Variants in NMNAT3 observed in about 807,000 individuals in gnomAD.
NMNAT3 encodes the protein nicotinamide/nicotinic acid mononucleotide adenylyltransferase 3.
Under a neutral mutation model 24.8 loss-of-function variants are expected in NMNAT3, and 21 were observed. That is an observed-to-expected ratio of 0.85 (90% confidence interval 0.60 to 1.22). NMNAT3 has a LOEUF of 1.22. NMNAT3 is among the 50% of genes most tolerant of loss of function. The pLI is 0.00. For missense variants in NMNAT3, 387 were observed against 436.6 expected (o/e 0.89, Z 1.01); for synonymous variants, 136 against 155.2 (o/e 0.88, Z 0.92).
intron 1 of NMNAT3, among the ~76,000 whole-genome samples, chr3:139,644,507 A>G (rs557530866): frequency 6.6e-6 from 1 of 152,334 alleles, no homozygotes; most frequent in African/African-American, 2.4e-5. Flanking sequence ...AAAACAAGGA[A>G]GAAAAACAAC....
Position 139,561,300 on chromosome 3 carries a change from C to T in NMNAT3, c.751G>A (p.Val251Met). The T allele has an allele frequency of 1.2e-6, 2 of 1,614,070 alleles. No individual in the cohort carries two copies. Among genetic ancestry groups the T allele is most frequent in the Non-Finnish European group, 1.7e-6 (2 of 1,179,998 alleles). ...ACGCACACCAAGCCAAACTTCTCCA[C>T]TATTTCCTGGATGTGCGCATCCTTC... Residue 251 changes from valine to methionine, a missense_variant, in exon 7 of 7, where the codon GTG (valine) becomes ATG (methionine). Val to Met is a conservative substitution (Grantham distance 21). This residue lies in a region of NMNAT3 where 323 missense variants were observed against 345.2 expected (regional missense o/e 0.94). Coordinates refer to ENST00000643695, the MANE Select transcript of NMNAT3 (RefSeq NM_001320510.2).
At chr3:139,591,215 C>T (rs2054154275) in intron 3 of NMNAT3, among the ~76,000 whole-genome samples, 2 of 151,418 alleles carry the variant, frequency 1.3e-5, no homozygotes, top group Admixed American at 6.6e-5. Context: ...GACGGACGCA[C>T]CTGGAAAATC....
intron 1 of NMNAT3, among the ~76,000 whole-genome samples, chr3:139,648,145 C>T (rs1304814852): frequency 6.6e-6 from 1 of 152,100 alleles, no homozygotes; most frequent in African/African-American, 2.4e-5. Flanking sequence ...GTTTTCCCTA[C>T]GTTGTCCTTG....
Position 139,627,778 on chromosome 3 carries a change from A to G in NMNAT3, c.-40-14T>C. 1 of 1,043,142 alleles carries G rather than the reference A, an allele frequency of 9.6e-7. No individual in the cohort carries two copies. The highest frequency in any genetic ancestry group is 1.5e-5 in the South Asian group (1 of 66,098). 64.6% of individuals were successfully genotyped at this position (1,043,142 alleles called of 1,614,324 possible). A position where few individuals can be genotyped will look rare whatever the true frequency, so the allele number is the denominator to read the frequency against. ...GTGGCCACCCTGCTTTTATGGGGACAAAAGCTCATGTCAGGGAGTTAGCAC... is the reference window on the plus strand; with the variant it reads ...GTGGCCACCCTGCTTTTATGGGGACGAAAGCTCATGTCAGGGAGTTAGCAC... On this transcript the variant is annotated splice_polypyrimidine_tract_variant and intron_variant, in intron 2 of 6. Transcript: ENST00000643695.
At chr3:139,621,007 G>A (rs2055746026) in intron 3 of NMNAT3, among the ~76,000 whole-genome samples, 1 of 152,168 alleles carries the variant, frequency 6.6e-6, no homozygotes. Context: ...ATGTCGCCCA[G>A]GTTGGGCTCA....
At chr3:139,623,968 A>G (rs1246279988) in intron 3 of NMNAT3, among the ~76,000 whole-genome samples, 1 of 152,224 alleles carries the variant, frequency 6.6e-6, no homozygotes, top group African/African-American at 2.4e-5. Context: ...GCCTTGAGCC[A>G]CGATGCTATA....
In NMNAT3 at chr3:139,675,135, T is replaced by TACACACACACACACAAACACACACACAC. The variant is rs1553766849; in HGVS notation, c.-141+2569_-141+2570insGTGTGTGTGTGTTTGTGTGTGTGTGTGT. On this transcript the variant is annotated intron_variant, in intron 1 of 6. Transcript: ENST00000643695. ...CTTACCTTCGTATTCCTTTTAAACA[T>TACACACACACACACAAACACACACACAC]ACACACACACACACACACACACACA... 5.0e-3 allele frequency among the ~76,000 whole-genome samples: 740 copies of TACACACACACACACAAACACACACACAC among 148,334 alleles called. 4 individuals are homozygous for TACACACACACACACAAACACACACACAC. Among genetic ancestry groups the TACACACACACACACAAACACACACACAC allele is most frequent in the African/African-American group, 0.011 (431 of 40,112 alleles).
At chr3:139,569,808 A>T (rs1380196080) in intron 6 of NMNAT3, 1 of 152,064 alleles carries the variant, frequency 6.6e-6, no homozygotes, top group Non-Finnish European at 1.5e-5. Context: ...GGTGAATCTG[A>T]CAATTATGTG....
intron 2 of NMNAT3, among the ~76,000 whole-genome samples, chr3:139,632,128 C>A (rs1225392038): frequency 6.6e-6 from 1 of 152,022 alleles, no homozygotes; most frequent in African/African-American, 2.4e-5. Flanking sequence ...AATAGGTACT[C>A]AGGAAATGTG....
intron 1 of NMNAT3, among the ~76,000 whole-genome samples, chr3:139,662,726 G>A (rs111376889): frequency 0.03 from 4,601 of 152,198 alleles, 96 homozygotes; most frequent in Non-Finnish European, 0.048. Context: ...CACCCATTGG[G>A]CCATCTGGTG....
intron 5 of NMNAT3, chr3:139,576,130 T>A: frequency 8.2e-7 from 1 of 1,214,112 alleles, no homozygotes; most frequent in Non-Finnish European, 1.1e-6. Flanking sequence ...TGATGCAGAT[T>A]CACTACGGAC....
At chr3:139,677,350 G>C (rs2057964756) in intron 1 of NMNAT3, among the ~76,000 whole-genome samples, 1 of 152,062 alleles carries the variant, frequency 6.6e-6, no homozygotes, top group Non-Finnish European at 1.5e-5. Flanking sequence ...GCCCAGCAGC[G>C]GACACTGAGT....
chr3:139,643,022 A>G (rs961976688), intron 1 of NMNAT3, among the ~76,000 whole-genome samples: 1 of 152,162 alleles, frequency 6.6e-6, no homozygotes, highest in Non-Finnish European at 1.5e-5. Context: ...TTACTCAACA[A>G]CAAAAACAAA....
At chr3:139,648,417 C>A (rs1301730017) in intron 1 of NMNAT3, among the ~76,000 whole-genome samples, 1 of 152,166 alleles carries the variant, frequency 6.6e-6, no homozygotes, top group Non-Finnish European at 1.5e-5. Flanking sequence ...AGCAGGCAGC[C>A]AACTCCCAGT....
At chr3:139,585,599 A>G (rs552081800) in intron 3 of NMNAT3, among the ~76,000 whole-genome samples, 16 of 152,232 alleles carry the variant, frequency 1.1e-4, no homozygotes, top group Non-Finnish European at 2.2e-4. Flanking sequence ...TAGATATTCC[A>G]GAGACACTTC....
chr3:139,638,656 G>A (rs966728525), intron 1 of NMNAT3, among the ~76,000 whole-genome samples: 4 of 152,172 alleles, frequency 2.6e-5, no homozygotes, highest in African/African-American at 9.7e-5. Context: ...CATAGTCCCT[G>A]CCTTAGATTG....
intron 1 of NMNAT3, among the ~76,000 whole-genome samples, chr3:139,644,663 A>C (rs1201731454): frequency 6.6e-6 from 1 of 152,188 alleles, no homozygotes; most frequent in Non-Finnish European, 1.5e-5. Flanking sequence ...AAATAATGTA[A>C]ATTAAAATGG....
At chr3:139,627,237 C>A (rs1351119029) in intron 3 of NMNAT3, among the ~76,000 whole-genome samples, 2 of 152,116 alleles carry the variant, frequency 1.3e-5, no homozygotes, top group Admixed American at 1.3e-4. Context: ...TTTTCTTACC[C>A]TCTGAAGAGT....
chr3:139,583,139 A>G lies in NMNAT3; in HGVS notation c.179T>C (p.Ile60Thr). 10 of 1,437,016 alleles carry G rather than the reference A, an allele frequency of 7.0e-6. No individual in the cohort carries two copies. The highest frequency in any genetic ancestry group is 9.8e-6 in the Non-Finnish European group (10 of 1,024,310). The allele number at this position is 1,437,016 out of a possible 1,614,324, so 89.0% of individuals were successfully genotyped here. A position where few individuals can be genotyped will look rare whatever the true frequency, so the allele number is the denominator to read the frequency against. ...AATCCTTTTTTGCAGATGAAAAGAA[A>G]TATCTTTTATTGAGATAGACTGAGG... Residue 60 changes from isoleucine to threonine, a missense_variant, in exon 4 of 7, where the codon ATT becomes ACT. Ile to Thr is a moderately conservative substitution (Grantham distance 89). Coordinates refer to ENST00000643695, the MANE Select transcript of NMNAT3 (RefSeq NM_001320510.2).
Sources: gnomAD v4.1 joint callset for allele counts (sites outside exome capture counted in the v4.1 genomes callset) on GRCh38, gnomAD v4.1.1 for gene constraint, gnomAD v4.1.1 regional missense constraint, MANE v1.5 for transcripts, NCBI Gene and HGNC (gene_info 2026-07-23, HGNC 2026-07-21) for gene names.